Variants in TMEM117 observed in about 807,000 individuals in gnomAD.
TMEM117 encodes transmembrane protein 117.
In TMEM117, 27 loss-of-function variants were observed where a neutral mutation model predicts 52.4. The observed-to-expected ratio is 0.51, with a 90% confidence interval of 0.38 to 0.71. The LOEUF is 0.71. Among genes scored for constraint, TMEM117 ranks in the 30% least tolerant of loss-of-function variants. The pLI is 0.00. For missense variants in TMEM117, 556 were observed against 630.5 expected (o/e 0.88, Z 1.26); for synonymous variants, 215 against 206.3 (o/e 1.04, Z -0.36).
chr12:44,352,655 A>G (rs1292743949), intron 6 of TMEM117, among the ~76,000 whole-genome samples: 1 of 152,078 alleles, frequency 6.6e-6, no homozygotes, highest in African/African-American at 2.4e-5. Context: ...TTAGTATTCC[A>G]TGGTGTATAT....
At chr12:43,996,823 C>T (rs1946039059) in intron 3 of TMEM117, among the ~76,000 whole-genome samples, 2 of 152,088 alleles carry the variant, frequency 1.3e-5, no homozygotes. Context: ...TCAAAATGAG[C>T]TTAGTGGAGC....
intron 6 of TMEM117, among the ~76,000 whole-genome samples, chr12:44,359,263 GTA>G (rs142861657): frequency 1.7e-4 from 25 of 150,188 alleles, no homozygotes; most frequent in Admixed American, 2.7e-4. Flanking sequence ...TCTAGAGTGT[GTA>G]TATATATATA....
chr12:44,050,759 TA>T (rs1163340199), intron 3 of TMEM117, among the ~76,000 whole-genome samples: 2 of 152,266 alleles, frequency 1.3e-5, no homozygotes, highest in Non-Finnish European at 2.9e-5. Flanking sequence ...AGTGATTTCT[TA>T]AACCATTTTT....
intron 2 of TMEM117, among the ~76,000 whole-genome samples, chr12:43,849,539 A>G (rs1943269164): frequency 6.6e-6 from 1 of 152,232 alleles, no homozygotes; most frequent in African/African-American, 2.4e-5. Context: ...TCCTGGTGGT[A>G]TAAGTAATCA....
intron 4 of TMEM117, among the ~76,000 whole-genome samples, chr12:44,207,530 T>C (rs2138387038): frequency 6.6e-6 from 1 of 152,276 alleles, no homozygotes; most frequent in South Asian, 2.1e-4. Context: ...GACTGTATCA[T>C]AGTTCAACAT....
At chr12:44,121,178 C>A (rs1384323325) in intron 3 of TMEM117, among the ~76,000 whole-genome samples, 1 of 152,184 alleles carries the variant, frequency 6.6e-6, no homozygotes, top group Non-Finnish European at 1.5e-5. Flanking sequence ...TCCATTTTCT[C>A]CCACTGGGTC....
chr12:43,900,956 G>C (rs927332513), intron 2 of TMEM117, among the ~76,000 whole-genome samples: 6 of 152,146 alleles, frequency 3.9e-5, no homozygotes, highest in Admixed American at 2.6e-4. Context: ...GGATTTCCCT[G>C]ATTTCATTAA....
intron 5 of TMEM117, among the ~76,000 whole-genome samples, chr12:44,244,853 C>T (rs1950109332): frequency 6.6e-6 from 1 of 151,960 alleles, no homozygotes; most frequent in African/African-American, 2.4e-5. Flanking sequence ...TTAACTCACT[C>T]TGTGTTGACT....
chr12:43,954,736 T>C (rs1437721194), intron 3 of TMEM117, among the ~76,000 whole-genome samples: 1 of 152,210 alleles, frequency 6.6e-6, no homozygotes, highest in Admixed American at 6.5e-5. Context: ...CTTCTGAAAC[T>C]ATTCCAAACA....
At chr12:44,220,811 T>C (rs1949778996) in intron 5 of TMEM117, among the ~76,000 whole-genome samples, 1 of 152,116 alleles carries the variant, frequency 6.6e-6, no homozygotes, top group African/African-American at 2.4e-5. Context: ...TGGCCAAAGC[T>C]AGAGAAATTT....
rs564092287 is a variant in TMEM117 at position 43,925,796 on chromosome 12, A to G, written c.278-18414A>G. The stretch of plus-strand genomic sequence containing the variant: ...TCTGGTGGGGCTTAGACCAGGATCC[A>G]TGGGCTGAGCTTGACCCTCGTGTAC... On this transcript the variant is annotated intron_variant, in intron 2 of 7. Transcript: ENST00000266534. 1.5e-3 allele frequency among the ~76,000 whole-genome samples: 236 copies of G among 152,318 alleles called. 1 individual carries two copies. The highest frequency in any genetic ancestry group is 5.5e-3 in the African/African-American group (230 of 41,580).
chr12:43,937,292 G>A (rs1396888647), intron 2 of TMEM117, among the ~76,000 whole-genome samples: 2 of 152,172 alleles, frequency 1.3e-5, no homozygotes, highest in Non-Finnish European at 2.9e-5. Flanking sequence ...AGATATTAAG[G>A]AGAACAGGAA....
At chr12:44,261,840 A>G (rs957905885) in intron 5 of TMEM117, among the ~76,000 whole-genome samples, 1 of 152,210 alleles carries the variant, frequency 6.6e-6, no homozygotes, top group Non-Finnish European at 1.5e-5. Context: ...GCAAGCCAGG[A>G]AGCCCTTCTG....
intron 3 of TMEM117, among the ~76,000 whole-genome samples, chr12:44,090,954 A>G (rs1318418324): frequency 6.6e-6 from 1 of 151,316 alleles, no homozygotes; most frequent in African/African-American, 2.4e-5. Context: ...ACAAAGATAC[A>G]TATTAAAACA....
the TMEM117 span, among the ~76,000 whole-genome samples, chr12:43,828,215 T>C: frequency 2.0e-5 from 3 of 152,254 alleles, no homozygotes; most frequent in Non-Finnish European, 4.4e-5. Flanking sequence ...ATGGGAATTG[T>C]ACCTTAGTCT....
intron 5 of TMEM117, among the ~76,000 whole-genome samples, chr12:44,238,374 G>A (rs1040997729): frequency 6.6e-6 from 1 of 152,016 alleles, no homozygotes; most frequent in Non-Finnish European, 1.5e-5. Context: ...CTTTATGGAA[G>A]GGAAAATAGA....
chr12:43,871,937 C>G (rs1355206234), intron 2 of TMEM117, among the ~76,000 whole-genome samples: 1 of 152,082 alleles, frequency 6.6e-6, no homozygotes, highest in Admixed American at 6.5e-5. Context: ...GGTAGATGCT[C>G]AAAGGTTATG....
chr12:44,124,200 CA>C (rs1199875350), intron 3 of TMEM117, among the ~76,000 whole-genome samples: 1 of 151,934 alleles, frequency 6.6e-6, no homozygotes, highest in Non-Finnish European at 1.5e-5. Context: ...TTCAGCTTTC[CA>C]CTACCATGTT....
At chr12:44,128,393 C>T in intron 3 of TMEM117, among the ~76,000 whole-genome samples, 1 of 152,224 alleles carries the variant, frequency 6.6e-6, no homozygotes, top group East Asian at 1.9e-4. Context: ...ACAGAGGGCT[C>T]TGTTGAATTG....
Sources: gnomAD v4.1 joint callset for allele counts (sites outside exome capture counted in the v4.1 genomes callset) on GRCh38, gnomAD v4.1.1 for gene constraint, MANE v1.5 for transcripts, NCBI Gene and HGNC (gene_info 2026-07-23, HGNC 2026-07-21) for gene names.